PDE12: variants seen among roughly 807,000 people sequenced by gnomAD.
PDE12 encodes phosphodiesterase 12, also known as 2',5'-phosphodiesterase 12.
A neutral mutation model predicts 45.4 loss-of-function variants in PDE12; 26 were observed. The observed-to-expected ratio is 0.57, with a 90% CI of 0.42 to 0.79. PDE12 has a LOEUF of 0.79. Ranked by LOEUF, PDE12 falls within the 30% of genes least tolerant of loss-of-function variation. The pLI is 0.00. For synonymous variants in PDE12, 283 were observed against 323.9 expected (o/e 0.87, Z 1.36); for missense variants, 668 against 790.0 (o/e 0.85, Z 1.85).
chr3:57,619,149 A>T, the PDE12 span, among the ~76,000 whole-genome samples: 1 of 151,898 alleles, frequency 6.6e-6, no homozygotes, highest in South Asian at 2.1e-4. Context: ...AGAGATTGAG[A>T]CCATCTGGCT....
intron 1 of PDE12, 60 bp from the exon 2 acceptor site, chr3:57,559,248 CAA>C: frequency 7.4e-7 from 1 of 1,351,904 alleles, no homozygotes. Flanking sequence ...AACAAACAAA[CAA>C]AAACATTCAG....
chr3:57,641,839 C>A, the PDE12 span: 1 of 1,020,032 alleles, frequency 9.8e-7, no homozygotes, highest in Non-Finnish European at 1.4e-6. Context: ...TTTCAATGAA[C>A]AATACACAGA....
the PDE12 span, among the ~76,000 whole-genome samples, chr3:57,654,007 G>GCA: frequency 1.4e-5 from 2 of 138,366 alleles, no homozygotes; most frequent in African/African-American, 2.8e-5. Flanking sequence ...GAGTGCAGTG[G>GCA]CACGATCTCA....
chr3:57,629,059 TTAGA>T, the PDE12 span, among the ~76,000 whole-genome samples: 1 of 152,244 alleles, frequency 6.6e-6, no homozygotes, highest in African/African-American at 2.4e-5. Flanking sequence ...CTAATAACTG[TTAGA>T]TAATTTTCTG....
At chr3:57,644,247 T>G in the PDE12 span, among the ~76,000 whole-genome samples, 1 of 151,724 alleles carries the variant, frequency 6.6e-6, no homozygotes, top group Admixed American at 6.6e-5. Flanking sequence ...AAAAGAAGTC[T>G]GCAAAGAAGA....
chr3:57,649,266 C>T, the PDE12 span, among the ~76,000 whole-genome samples: 1 of 152,104 alleles, frequency 6.6e-6, no homozygotes, highest in East Asian at 1.9e-4. Flanking sequence ...CTTAACATCA[C>T]TAATTATCAG....
At chr3:57,585,165 T>C in the PDE12 span, among the ~76,000 whole-genome samples, 1 of 152,126 alleles carries the variant, frequency 6.6e-6, no homozygotes, top group Non-Finnish European at 1.5e-5. Context: ...TGCCCAGCCA[T>C]ACTACCATTT....
chr3:57,638,550 C>T, the PDE12 span, among the ~76,000 whole-genome samples: 1 of 151,676 alleles, frequency 6.6e-6, no homozygotes, highest in Non-Finnish European at 1.5e-5. Flanking sequence ...CTCAGCGACT[C>T]GGGGAGCTAA....
the PDE12 span, among the ~76,000 whole-genome samples, chr3:57,633,541 G>C: frequency 1.8e-3 from 278 of 152,212 alleles, no homozygotes; most frequent in Admixed American, 3.9e-3. Flanking sequence ...CTTTACCGGA[G>C]CAAAACATAA....
chr3:57,619,891 A>G, the PDE12 span, among the ~76,000 whole-genome samples: 2 of 151,494 alleles, frequency 1.3e-5, no homozygotes, highest in African/African-American at 4.9e-5. Flanking sequence ...AAAAAAAAGA[A>G]CATCTATAAA....
the PDE12 span, among the ~76,000 whole-genome samples, chr3:57,644,149 CAA>C: frequency 5.5e-5 from 4 of 73,326 alleles, no homozygotes; most frequent in African/African-American, 5.2e-5. Flanking sequence ...GACTCCATCT[CAA>C]AAAAAAAAAA....
chr3:57,600,394 C>G, the PDE12 span, among the ~76,000 whole-genome samples: 2 of 148,304 alleles, frequency 1.3e-5, no homozygotes, highest in Admixed American at 6.8e-5. Flanking sequence ...TCTTTTCTTT[C>G]CTTCATCCTT....
the PDE12 span, among the ~76,000 whole-genome samples, chr3:57,579,632 A>T: frequency 6.6e-6 from 1 of 152,176 alleles, no homozygotes; most frequent in African/African-American, 2.4e-5. Flanking sequence ...TTACCACAGT[A>T]CTGGGCTCTC....
chr3:57,583,901 G>C, the PDE12 span: 1 of 1,587,200 alleles, frequency 6.3e-7, no homozygotes, highest in Non-Finnish European at 8.6e-7. Flanking sequence ...CCCTTACCTG[G>C]GTATTCTGGA....
At chr3:57,598,777 T>C in the PDE12 span, among the ~76,000 whole-genome samples, 1 of 152,086 alleles carries the variant, frequency 6.6e-6, no homozygotes, top group African/African-American at 2.4e-5. Flanking sequence ...CGAGACTGTC[T>C]TAAAAAAACA....
At chr3:57,594,205 CAA>C in the PDE12 span, among the ~76,000 whole-genome samples, 20 of 152,216 alleles carry the variant, frequency 1.3e-4, no homozygotes, top group African/African-American at 4.6e-4. Flanking sequence ...GCCTGGGAGA[CAA>C]GAGTGAAACT....
At chr3:57,606,807 G>A in the PDE12 span, among the ~76,000 whole-genome samples, 19 of 152,106 alleles carry the variant, frequency 1.2e-4, no homozygotes, top group Admixed American at 6.5e-5. Flanking sequence ...CAAGATGGCC[G>A]AATAGGAACA....
the PDE12 span, among the ~76,000 whole-genome samples, chr3:57,578,440 T>C: frequency 1.3e-5 from 2 of 151,758 alleles, no homozygotes; most frequent in African/African-American, 4.8e-5. Context: ...GAGTAAGACA[T>C]TCTTTAAAAA....
the PDE12 span, among the ~76,000 whole-genome samples, chr3:57,611,893 C>T: frequency 6.6e-6 from 1 of 151,994 alleles, no homozygotes; most frequent in Admixed American, 6.6e-5. Flanking sequence ...GGGTATATAC[C>T]CAAAGGATTA....
Sources: gnomAD v4.1 joint callset for allele counts (sites outside exome capture counted in the v4.1 genomes callset) on GRCh38, gnomAD v4.1.1 for gene constraint, MANE v1.5 for transcripts, NCBI Gene and HGNC (gene_info 2026-07-23, HGNC 2026-07-21) for gene names.